The following SPMIP3 variants were observed in gnomAD, a reference collection of about 807,000 sequenced individuals.
The protein encoded by SPMIP3 is protein SPMIP3.
At chr1:244,388,907 G>A in the SPMIP3 span, 1 of 1,471,996 alleles carries the variant, frequency 6.8e-7, no homozygotes, top group South Asian at 1.1e-5. Flanking sequence ...AAAATTAGGA[G>A]TGAGTAGTCT....
At chr1:244,376,752 T>TA in the SPMIP3 span, among the ~76,000 whole-genome samples, 1 of 152,246 alleles carries the variant, frequency 6.6e-6, no homozygotes, top group African/African-American at 2.4e-5. Context: ...AACCTTTGTT[T>TA]AAACTTAATG....
chr1:244,371,791 T>C, the SPMIP3 span, among the ~76,000 whole-genome samples: 3 of 152,136 alleles, frequency 2.0e-5, no homozygotes, highest in Non-Finnish European at 4.4e-5. Context: ...CTTCAGAAAA[T>C]GGATAGGTGC....
At chr1:244,378,238 T>C in the SPMIP3 span, among the ~76,000 whole-genome samples, 2 of 152,028 alleles carry the variant, frequency 1.3e-5, no homozygotes, top group Non-Finnish European at 2.9e-5. Flanking sequence ...CATCACCTCC[T>C]AGGACCTGTC....
chr1:244,383,259 C>T, the SPMIP3 span, among the ~76,000 whole-genome samples: 250 of 152,252 alleles, frequency 1.6e-3, no homozygotes, highest in Non-Finnish European at 2.9e-3. Flanking sequence ...TGCCTGTAAT[C>T]CCAGCACTTT....
the SPMIP3 span, among the ~76,000 whole-genome samples, chr1:244,380,868 T>G: frequency 6.8e-6 from 1 of 148,116 alleles, no homozygotes; most frequent in South Asian, 2.2e-4. Flanking sequence ...GAGCCAGGGG[T>G]AGGGGTGGCA....
chr1:244,362,118 A>G, the SPMIP3 span, among the ~76,000 whole-genome samples: 30 of 152,222 alleles, frequency 2.0e-4, no homozygotes, highest in African/African-American at 7.0e-4. Flanking sequence ...TGCTGTTTAA[A>G]ATCTTCAAGT....
chr1:244,378,921 T>C, the SPMIP3 span, among the ~76,000 whole-genome samples: 6 of 151,640 alleles, frequency 4.0e-5, no homozygotes, highest in South Asian at 2.1e-4. Flanking sequence ...CTTTTATCTT[T>C]TATTTATTTT....
chr1:244,365,392 C>T, the SPMIP3 span, among the ~76,000 whole-genome samples: 1 of 152,154 alleles, frequency 6.6e-6, no homozygotes, highest in African/African-American at 2.4e-5. Context: ...GTGAATAAGT[C>T]TCACGAGATC....
chr1:244,367,927 G>A, the SPMIP3 span, among the ~76,000 whole-genome samples: 1 of 152,126 alleles, frequency 6.6e-6, no homozygotes, highest in Non-Finnish European at 1.5e-5. Flanking sequence ...CGGGTTTCAG[G>A]AAGGAAAGGT....
chr1:244,369,872 G>A, the SPMIP3 span, among the ~76,000 whole-genome samples: 1 of 152,068 alleles, frequency 6.6e-6, no homozygotes, highest in South Asian at 2.1e-4. Flanking sequence ...ACGTTCAGTT[G>A]CCTGTTTTTG....
the SPMIP3 span, among the ~76,000 whole-genome samples, chr1:244,386,324 C>G: frequency 6.6e-6 from 1 of 152,200 alleles, no homozygotes; most frequent in Non-Finnish European, 1.5e-5. Flanking sequence ...CAATGACTTT[C>G]AAAGGAGTCA....
At chr1:244,367,623 C>A in the SPMIP3 span, among the ~76,000 whole-genome samples, 1 of 152,162 alleles carries the variant, frequency 6.6e-6, no homozygotes, top group Non-Finnish European at 1.5e-5. Flanking sequence ...GGAGGACAAG[C>A]CCCAGAGAGC....
the SPMIP3 span, among the ~76,000 whole-genome samples, chr1:244,361,056 G>A: frequency 3.3e-5 from 5 of 151,836 alleles, no homozygotes; most frequent in Non-Finnish European, 1.5e-5. Flanking sequence ...TTGAACTTGC[G>A]GAGACGGAGA....
the SPMIP3 span, among the ~76,000 whole-genome samples, chr1:244,366,608 A>G: frequency 6.6e-6 from 1 of 152,226 alleles, no homozygotes; most frequent in Non-Finnish European, 1.5e-5. Flanking sequence ...GACCTGATGC[A>G]GTGGCTCGTG....
chr1:244,367,532 C>T, the SPMIP3 span, among the ~76,000 whole-genome samples: 8 of 152,122 alleles, frequency 5.3e-5, no homozygotes, highest in Admixed American at 2.6e-4. Flanking sequence ...GCACTATGGG[C>T]GGAGGGTGGG....
chr1:244,352,930 T>G, the SPMIP3 span, among the ~76,000 whole-genome samples: 3 of 152,340 alleles, frequency 2.0e-5, no homozygotes, highest in African/African-American at 7.2e-5. Flanking sequence ...TTTGAATTCT[T>G]GTCATAGTTT....
the SPMIP3 span, among the ~76,000 whole-genome samples, chr1:244,388,355 A>G: frequency 6.6e-6 from 1 of 152,120 alleles, no homozygotes; most frequent in South Asian, 2.1e-4. Context: ...TCCCTAATAT[A>G]CTTAAAGCCT....
At chr1:244,384,507 T>C in the SPMIP3 span, among the ~76,000 whole-genome samples, 4 of 152,072 alleles carry the variant, frequency 2.6e-5, no homozygotes, top group South Asian at 8.3e-4. Flanking sequence ...CCTGGCCAGG[T>C]TAAACATTCT....
the SPMIP3 span, among the ~76,000 whole-genome samples, chr1:244,371,647 C>T: frequency 8.9e-4 from 136 of 152,340 alleles, no homozygotes; most frequent in South Asian, 3.5e-3. Context: ...CTGTATTCAG[C>T]AGGTGTTTGT....
Sources: allele counts gnomAD v4.1 joint callset (sites outside exome capture counted in the v4.1 genomes callset), GRCh38; gene constraint gnomAD v4.1.1; transcripts MANE v1.5; gene names NCBI Gene and HGNC (gene_info 2026-07-23, HGNC 2026-07-21).